The following STAB2 variants were observed in gnomAD, a reference collection of about 807,000 sequenced individuals.
The protein encoded by STAB2 is stabilin-2.
In STAB2, 288 loss-of-function variants were observed where a neutral mutation model predicts 338.1. The ratio of observed to expected loss-of-function variants is 0.85; its 90% CI spans 0.77 to 0.94. STAB2 has a LOEUF of 0.94. STAB2 is among the 40% of genes least tolerant of loss of function. STAB2 has a pLI of 0.00. For synonymous variants in STAB2, 1,202 were observed against 1,193.3 expected (o/e 1.01, Z -0.15); for missense variants, 3,141 against 3,210.1 (o/e 0.98, Z 0.52).
At chr12:103,705,986 A>G (rs10219560) in intron 37 of STAB2, among the ~76,000 whole-genome samples, 4,306 of 152,292 alleles carry the variant, frequency 0.028, 214 homozygotes, top group African/African-American at 0.098. Context: ...GGCTAATGGG[A>G]CCACCCTGTT....
At chr12:103,702,672 G>A (rs1008286263) in intron 34 of STAB2, among the ~76,000 whole-genome samples, 1 of 152,188 alleles carries the variant, frequency 6.6e-6, no homozygotes, top group African/African-American at 2.4e-5. Flanking sequence ...CCATGAAGCG[G>A]AGACATACTG....
rs754484916 is a variant in STAB2 at position 103,654,709 on chromosome 12, A to G, written c.1551+11A>G. On this transcript the variant is annotated intron_variant, in intron 13 of 68. Transcript: ENST00000388887. ...GAGAGCAACAATGAGGTGAGTATTC[A>G]GATAAAAGTCACATCAGGCCAGGTC... The G allele has an allele frequency of 2.0e-5, 33 of 1,612,494 alleles. No homozygotes were observed. Among genetic ancestry groups the G allele is most frequent in the Non-Finnish European group, 2.5e-5 (30 of 1,179,428 alleles).
rs760423096 is a variant in STAB2, at chr12:103,745,212, T to C, written c.6071T>C (p.Ile2024Thr). 5 of 1,614,096 alleles carry C rather than the reference T, an allele frequency of 3.1e-6. No homozygotes were observed. The highest frequency in any genetic ancestry group is 3.4e-6 in the Non-Finnish European group (4 of 1,179,998). The change falls in exon 57 of 69, where the codon ATC (isoleucine) becomes ACC (threonine). Residue 2024 changes from isoleucine to threonine, a missense_variant. By Grantham distance (89) the Ile-to-Thr change is moderately conservative. Transcript: ENST00000388887. ...CSDHGQCDDGITGSGQCLCET... is the reference protein window; with the variant it reads ...CSDHGQCDDGTTGSGQCLCET... The stretch of plus-strand genomic sequence containing the variant: ...GACCACGGACAGTGCGATGATGGCA[T>C]CACGGGCTCCGGGCAGTGCCTCTGT...
intron 64 of STAB2, 143 bp downstream of exon 64, chr12:103,758,432 C>T (rs976582746): frequency 2.9e-6 from 4 of 1,396,918 alleles, no homozygotes; most frequent in Non-Finnish European, 3.9e-6. Context: ...TGGCCACTCC[C>T]TTGGTCTTGG....
intron 5 of STAB2, among the ~76,000 whole-genome samples, chr12:103,623,417 T>C (rs768310433): frequency 6.6e-6 from 1 of 152,176 alleles, no homozygotes; most frequent in African/African-American, 2.4e-5. Flanking sequence ...TAAGAGATTA[T>C]CCTGGGTTAT....
In STAB2 at chr12:103,681,014, A is replaced by G. The variant is rs549088518; in HGVS notation, c.2806-2191A>G. ...CGATCTTGTGCGAGGCGACAGACAA[A>G]CCTATGTATAACGCTAAAGTGATAA... On this transcript the variant is annotated intron_variant, in intron 25 of 68. Transcript: ENST00000388887. Among the ~76,000 whole-genome samples, 3 of 152,332 alleles carry G rather than the reference A, an allele frequency of 2.0e-5. No homozygotes were observed. In the South Asian group the frequency reaches 6.2e-4, roughly 32 times the overall value.
intron 1 of STAB2, among the ~76,000 whole-genome samples, chr12:103,587,968 T>C (rs1393385132): frequency 6.6e-6 from 1 of 152,200 alleles, no homozygotes; most frequent in African/African-American, 2.4e-5. Context: ...AACACAAGTA[T>C]CAGAAATATT....
At chr12:103,762,207 C>T (rs575601737) in intron 66 of STAB2, 67 bp from the exon 67 acceptor site, 3 of 1,594,388 alleles carry the variant, frequency 1.9e-6, no homozygotes, top group East Asian at 4.5e-5. Context: ...CCTCGGGCCA[C>T]CAAGGGTTCC....
intron 3 of STAB2, among the ~76,000 whole-genome samples, chr12:103,618,489 T>C (rs1017679810): frequency 6.6e-6 from 1 of 152,220 alleles, no homozygotes; most frequent in Admixed American, 6.5e-5. Flanking sequence ...CTAAGACAAC[T>C]GCATTTTTAT....
At chr12:103,705,867 C>A in intron 37 of STAB2, 140 bp downstream of exon 37, 1 of 780,498 alleles carries the variant, frequency 1.3e-6, no homozygotes, top group South Asian at 1.6e-5. Flanking sequence ...CATTGTCATC[C>A]AATGTAGTAG....
chr12:103,759,211 A>G lies in STAB2; in HGVS notation c.7186A>G (p.Thr2396Ala), dbSNP rs1394750886. 6.2e-7 allele frequency: 1 copy of G among 1,613,950 alleles called. No individual in the cohort carries two copies. The highest frequency in any genetic ancestry group is 1.3e-5 in the African/African-American group (1 of 74,858). The change falls in exon 65 of 69, where the codon ACC (threonine) becomes GCC (alanine). Residue 2396 changes from threonine (T) to alanine (A), a missense_variant. Physicochemically the swap from Thr to Ala is moderately conservative, Grantham distance 58. Coordinates refer to ENST00000388887, the MANE Select transcript of STAB2 (RefSeq NM_017564.10). ...CTACAATGACCTTGTCAATGGCACC[A>G]CCCTGCAAACGAGGCTGGGAAGCAA... ...FFYNDLVNGT[T>A]LQTRLGSKLL...
At chr12:103,743,203 G>A (rs973336130) in intron 56 of STAB2, among the ~76,000 whole-genome samples, 3 of 151,786 alleles carry the variant, frequency 2.0e-5, no homozygotes, top group Admixed American at 1.3e-4. Flanking sequence ...TATATTTTTA[G>A]TAGAGACAGG....
At chr12:103,747,557 AC>A (rs1883164765) in intron 58 of STAB2, among the ~76,000 whole-genome samples, 1 of 107,202 alleles carries the variant, frequency 9.3e-6, no homozygotes, top group African/African-American at 3.4e-5. Context: ...AAGAATGCAA[AC>A]TAGGAATTGT....
At chr12:103,704,440 G>A in intron 35 of STAB2, 118 bp from the exon 36 acceptor site, 1 of 905,538 alleles carries the variant, frequency 1.1e-6, no homozygotes, top group South Asian at 1.7e-5. Flanking sequence ...CATTAAAGAG[G>A]CTGCCCAGAT....
At chr12:103,707,804 T>C (rs987538810) in intron 38 of STAB2, among the ~76,000 whole-genome samples, 1 of 149,278 alleles carries the variant, frequency 6.7e-6, no homozygotes, top group African/African-American at 2.6e-5. Flanking sequence ...AATTGAATCA[T>C]TATAATTGGG....
At position 103,755,719 on chromosome 12, in the gene STAB2, G is replaced by A; in HGVS notation, c.6987+1G>A. ...CCCCTCACTCACAAACTTCCTGACG[G>A]TATGTACCATGTCTGCTTGGTTTGC... On this transcript the variant is annotated splice_donor_variant, in intron 63 of 68. Transcript: ENST00000388887. LOFTEE classifies it high-confidence loss of function. 1 of 1,614,018 alleles carries A rather than the reference G, an allele frequency of 6.2e-7. No individual in the cohort carries two copies. Among genetic ancestry groups the A allele is most frequent in the Non-Finnish European group, 8.5e-7 (1 of 1,179,998 alleles).
At chr12:103,643,962 C>T (rs1162642607) in intron 9 of STAB2, among the ~76,000 whole-genome samples, 2 of 67,928 alleles carry the variant, frequency 2.9e-5, no homozygotes, top group African/African-American at 6.6e-5. Context: ...TGAGGGGCGC[C>T]TCTGCCTGGC....
At chr12:103,681,729 C>T (rs1876928845) in intron 25 of STAB2, among the ~76,000 whole-genome samples, 1 of 144,696 alleles carries the variant, frequency 6.9e-6, no homozygotes, top group Admixed American at 7.4e-5. Flanking sequence ...TCAAGCGATT[C>T]TCCTGCCTCA....
At chr12:103,766,193 A>G (rs1459357983) in intron 68 of STAB2, 93 bp from the exon 69 acceptor site, 3 of 1,502,688 alleles carry the variant, frequency 2.0e-6, no homozygotes, top group African/African-American at 1.4e-5. Context: ...GTGCTCAGGG[A>G]GAGTCATGCC....
Sources: allele counts gnomAD v4.1 joint callset (sites outside exome capture counted in the v4.1 genomes callset), GRCh38; gene constraint gnomAD v4.1.1; transcripts MANE v1.5; gene names NCBI Gene and HGNC (gene_info 2026-07-23, HGNC 2026-07-21).